The following NHSL2 variants were observed in gnomAD, a reference collection of about 807,000 sequenced individuals.
NHSL2 encodes NHS-like protein 2.
A neutral mutation model predicts 53.4 loss-of-function variants in NHSL2; 27 were observed. That is an observed-to-expected ratio of 0.51 (90% CI 0.37 to 0.70). NHSL2 has a LOEUF of 0.70. Among genes scored for constraint, NHSL2 ranks in the 30% least tolerant of loss-of-function variants. The pLI is 0.00. For synonymous variants in NHSL2, 408 were observed against 404.1 expected, an observed-to-expected ratio of 1.01 and a Z score of -0.12; for missense variants, 892 against 980.1, an observed-to-expected ratio of 0.91 and a Z score of 1.20.
chrX:71,932,013 A>T (rs111749006), intron 1 of NHSL2, among the ~76,000 whole-genome samples: 1 of 112,316 alleles, frequency 8.9e-6, no homozygotes, highest in African/African-American at 3.2e-5. Flanking sequence ...AGCACCTACC[A>T]TGTGCCAGAC....
intron 1 of NHSL2, among the ~76,000 whole-genome samples, chrX:71,994,241 G>A (rs1257388534): frequency 9.1e-6 from 1 of 110,393 alleles, no homozygotes; most frequent in Non-Finnish European, 1.9e-5. Context: ...CAACCAGCCT[G>A]ATTGGAGGAA....
chrX:72,016,661 A>AAC (rs111826651), intron 1 of NHSL2, among the ~76,000 whole-genome samples: 3,509 of 110,121 alleles, frequency 0.032, 156 homozygotes, highest in African/African-American at 0.11. Flanking sequence ...ACCCATCCCC[A>AAC]ACACACACAC....
At position 72,138,553 on chromosome X, in the gene NHSL2, T is replaced by C; in HGVS notation, c.1005T>C (p.Ala335=). Residue 335 remains alanine, a synonymous_variant, in exon 6 of 8, where the codon GCT becomes GCC. Transcript: ENST00000633930. ...VHGRVAVGQD[A]RFPSLTSPVL... is the part of the protein sequence containing the mutation. ...GAAGAGTTGCAGTTGGTCAGGATGCTCGGTTCCCAAGTCTCACCTCGCCAG... is the reference window on the plus strand; with the variant it reads ...GAAGAGTTGCAGTTGGTCAGGATGCCCGGTTCCCAAGTCTCACCTCGCCAG... 8.6e-7 allele frequency: 1 copy of C among 1,167,300 alleles called. No individual in the cohort carries two copies. Among genetic ancestry groups the C allele is most frequent in the Non-Finnish European group, 1.1e-6 (1 of 872,688 alleles).
At chrX:72,044,206 A>G (rs2042292066) in intron 1 of NHSL2, among the ~76,000 whole-genome samples, 1 of 112,032 alleles carries the variant, frequency 8.9e-6, no homozygotes, top group African/African-American at 3.2e-5. Flanking sequence ...CAGGAACCTA[A>G]AGAAGTGGAA....
chrX:71,976,172 A>G (rs1438848555), intron 1 of NHSL2, among the ~76,000 whole-genome samples: 1 of 111,678 alleles, frequency 9.0e-6, no homozygotes, highest in Admixed American at 9.5e-5. Context: ...TGTATACAAC[A>G]TAATTGCCTC....
chrX:71,961,451 G>A lies in NHSL2; in HGVS notation c.280+50084G>A, dbSNP rs748053294. 4.2e-4 allele frequency among the ~76,000 whole-genome samples: 24 copies of A among 56,663 alleles called. No individual in the cohort carries two copies. The South Asian group carries it at 8.0e-3, about 19-fold the overall frequency. The allele number at this position is 56,663 out of a possible 115,157, so 49.2% of individuals were successfully genotyped here. A position where few individuals can be genotyped will look rare whatever the true frequency, so the allele number is the denominator to read the frequency against. ...CTCCCTTCCTCCCTTCCTTCCTCCC[G>A]CCCTCCCTTCCTTTCTTTATTCCTT... On this transcript the variant is annotated intron_variant, in intron 1 of 7. Transcript: ENST00000633930.
At chrX:72,049,039 G>GGAAGAGGAA (rs1556340844) in intron 1 of NHSL2, among the ~76,000 whole-genome samples, 4 of 94,653 alleles carry the variant, frequency 4.2e-5, no homozygotes, top group African/African-American at 5.0e-5. Context: ...AAGAGGAAGA[G>GGAAGAGGAA]GAAGAAGAAG....
chrX:72,028,975 T>C (rs1421114608), intron 1 of NHSL2, among the ~76,000 whole-genome samples: 1 of 112,220 alleles, frequency 8.9e-6, no homozygotes, highest in Non-Finnish European at 1.9e-5. Context: ...GCAGGAGGCA[T>C]GCTGGGATCT....
At chrX:72,109,613 G>T (rs1435057864) in intron 1 of NHSL2, among the ~76,000 whole-genome samples, 1 of 111,748 alleles carries the variant, frequency 8.9e-6, no homozygotes, top group Non-Finnish European at 1.9e-5. Context: ...GGGATTACAG[G>T]TGGCACCACC....
chrX:72,124,508 C>T (rs929672362), intron 1 of NHSL2, among the ~76,000 whole-genome samples: 4 of 112,054 alleles, frequency 3.6e-5, no homozygotes, highest in African/African-American at 9.7e-5. Flanking sequence ...TTAAATGTCA[C>T]ACGGGCTAGT....
rs1359841173 is a variant in NHSL2, at chrX:72,142,298, C to A, written c.3290C>A (p.Ala1097Glu). 8.6e-7 allele frequency: 1 copy of A among 1,157,557 alleles called. No homozygotes were observed. Among genetic ancestry groups the A allele is most frequent in the Non-Finnish European group, 1.2e-6 (1 of 864,201 alleles). Residue 1097 changes from alanine (A) to glutamate (E), a missense_variant, in exon 7 of 8, where the codon GCA becomes GAA. Coordinates refer to ENST00000633930, the MANE Select transcript of NHSL2 (RefSeq NM_001013627.3). ...LISDKTAEWI[A>E]EDDDDVFVAS... The stretch of plus-strand genomic sequence containing the variant: ...AGTGATAAAACAGCTGAATGGATTG[C>A]AGAGGATGATGATGACGTGTTTGTG...
intron 1 of NHSL2, among the ~76,000 whole-genome samples, chrX:72,021,070 C>G (rs1261166752): frequency 1.7e-4 from 3 of 17,500 alleles, no homozygotes; most frequent in Admixed American, 2.0e-3. Context: ...TACACACACA[C>G]ACACACACAC....
At chrX:72,005,354 A>G (rs1339426983) in intron 1 of NHSL2, among the ~76,000 whole-genome samples, 2 of 112,409 alleles carry the variant, frequency 1.8e-5, no homozygotes, top group African/African-American at 6.5e-5. Context: ...AGAACAACAT[A>G]GAGTCCCTGC....
intron 5 of NHSL2, among the ~76,000 whole-genome samples, chrX:72,138,182 C>T (rs765288853): frequency 2.7e-5 from 3 of 111,797 alleles, no homozygotes; most frequent in Admixed American, 9.5e-5. Context: ...CGTGACACTT[C>T]AGCTCTAAGA....
At chrX:72,108,311 A>G (rs938737434) in intron 1 of NHSL2, among the ~76,000 whole-genome samples, 13 of 112,392 alleles carry the variant, frequency 1.2e-4, no homozygotes, top group African/African-American at 3.9e-4. Context: ...AAGACACCAA[A>G]CTTCTGCCTG....
In NHSL2 at chrX:72,143,821, A is replaced by C. The variant is rs775341108; in HGVS notation, c.*247A>C. The C allele has an allele frequency of 5.5e-4, 145 of 262,411 alleles. No homozygotes were observed. The highest frequency in any genetic ancestry group is 1.0e-3 in the South Asian group (12 of 11,804). 21.6% of individuals were successfully genotyped at this position (262,411 alleles called of 1,213,427 possible). A position where few individuals can be genotyped will look rare whatever the true frequency, so the allele number is the denominator to read the frequency against. On this transcript the variant is annotated 3_prime_UTR_variant, in exon 8 of 8. Transcript: ENST00000633930. ...ATGACTGACTACCGAGTTTCTTCTT[A>C]TTTTCCCCCAGTGGTGTGCACTAAC...
At chrX:72,131,221 A>G (rs2042294379) in intron 1 of NHSL2, 1 of 1,202,391 alleles carries the variant, frequency 8.3e-7, no homozygotes, top group African/African-American at 1.8e-5. Flanking sequence ...ATCCTGGATC[A>G]CGTTAATCAA....
intron 1 of NHSL2, among the ~76,000 whole-genome samples, chrX:72,073,458 A>G (rs933449490): frequency 1.4e-4 from 16 of 111,645 alleles, no homozygotes; most frequent in African/African-American, 5.2e-4. Context: ...GGGGAGGGGG[A>G]TGCATGCTAG....
intron 1 of NHSL2, among the ~76,000 whole-genome samples, chrX:72,106,132 C>G (rs1486531442): frequency 1.8e-5 from 2 of 110,857 alleles, no homozygotes; most frequent in Non-Finnish European, 3.8e-5. Flanking sequence ...TGGCGTGAAC[C>G]CCGGGGGGGC....
Sources: allele counts gnomAD v4.1 joint callset (sites outside exome capture counted in the v4.1 genomes callset), GRCh38; gene constraint gnomAD v4.1.1; transcripts MANE v1.5; gene names NCBI Gene and HGNC (gene_info 2026-07-23, HGNC 2026-07-21).